The following PRRC1 variants were observed in gnomAD, a reference collection of about 807,000 sequenced individuals.
PRRC1 encodes proline rich coiled-coil 1, also known as protein PRRC1.
PRRC1 carries 39 observed loss-of-function variants against 40.7 expected under a neutral mutation model. That is an observed-to-expected ratio of 0.96 (90% CI 0.74 to 1.25). The LOEUF is 1.25. PRRC1 is among the 50% of genes most tolerant of loss of function. The pLI is 0.00. For synonymous variants in PRRC1, 175 were observed against 193.3 expected, an observed-to-expected ratio of 0.91 and a Z score of 0.79; for missense variants, 573 against 548.3, an observed-to-expected ratio of 1.05 and a Z score of -0.45.
At chr5:127,548,651 T>C (rs1768290637) in intron 8 of PRRC1, 3 of 152,018 alleles carry the variant, frequency 2.0e-5, no homozygotes, top group South Asian at 2.1e-4. Context: ...TTCAAACTTA[T>C]TTGGGACATG....
In PRRC1 at chr5:127,535,638, T is replaced by G. The variant is rs191889634; in HGVS notation, c.921+1852T>G. Among the ~76,000 whole-genome samples the G allele has an allele frequency of 2.0e-5, 3 of 152,306 alleles. No individual in the cohort carries two copies. In the East Asian group the frequency reaches 5.8e-4, roughly 29 times the overall value. On this transcript the variant is annotated intron_variant, in intron 6 of 8. Transcript: ENST00000296666. Reference sequence around the variant, plus strand: ...TATTTATGTTTAAGGAGAAACACATTTTCATATATGACATTCTGTTGTTTT... The same window carrying G: ...TATTTATGTTTAAGGAGAAACACATGTTCATATATGACATTCTGTTGTTTT...
intron 8 of PRRC1, chr5:127,551,417 C>T (rs867616249): frequency 9.1e-6 from 3 of 328,066 alleles, no homozygotes; most frequent in South Asian, 4.0e-5. Flanking sequence ...GATTTTAGTA[C>T]CAATCTTATT....
chr5:127,528,890 A>G (rs1351162687), intron 4 of PRRC1, among the ~76,000 whole-genome samples: 1 of 152,146 alleles, frequency 6.6e-6, no homozygotes, highest in Non-Finnish European at 1.5e-5. Context: ...TGTTAAAATC[A>G]GCTTCTGGCC....
intron 7 of PRRC1, among the ~76,000 whole-genome samples, chr5:127,540,320 A>G (rs892720321): frequency 2.6e-5 from 4 of 152,124 alleles, no homozygotes; most frequent in African/African-American, 9.6e-5. Flanking sequence ...ATAACTTGTG[A>G]TAATACTAGT....
In PRRC1 at chr5:127,544,277, G is replaced by A. The variant is rs183198638; in HGVS notation, c.1026-3542G>A. On this transcript the variant is annotated intron_variant, in intron 7 of 8. Coordinates refer to ENST00000296666, the MANE Select transcript of PRRC1 (RefSeq NM_130809.5). ...ACCCGGCCAGCCGTGTGAGGTGTCA[G>A]TCTGACCTTACTGGGGGGTGCCTCC... Among the ~76,000 whole-genome samples the A allele has an allele frequency of 6.8e-3, 1,032 of 152,346 alleles. 5 individuals carry two copies. Among genetic ancestry groups the A allele is most frequent in the African/African-American group, 0.024 (987 of 41,570 alleles).
intron 7 of PRRC1, among the ~76,000 whole-genome samples, chr5:127,546,477 T>C (rs1420956863): frequency 6.6e-6 from 1 of 152,190 alleles, no homozygotes; most frequent in Non-Finnish European, 1.5e-5. Context: ...AACCATTGTT[T>C]AGAAAACAAA....
intron 7 of PRRC1, among the ~76,000 whole-genome samples, chr5:127,543,548 A>G (rs899583983): frequency 2.0e-5 from 3 of 151,974 alleles, no homozygotes; most frequent in Admixed American, 1.3e-4. Flanking sequence ...ATAGTCCCAT[A>G]TTTCTTGGAG....
chr5:127,533,512 T>C, intron 5 of PRRC1, 111 bp from the exon 6 acceptor site: 2 of 925,668 alleles, frequency 2.2e-6, no homozygotes, highest in Non-Finnish European at 3.2e-6. Context: ...TGCATGGTTT[T>C]ATGAAACTGG....
intron 5 of PRRC1, among the ~76,000 whole-genome samples, chr5:127,530,640 A>C (rs1375293728): frequency 1.3e-5 from 2 of 152,150 alleles, no homozygotes; most frequent in Non-Finnish European, 2.9e-5. Flanking sequence ...AAAAACCATG[A>C]ATTATTGGTA....
At chr5:127,519,711 A>G (rs556196158) in intron 1 of PRRC1, among the ~76,000 whole-genome samples, 2 of 152,324 alleles carry the variant, frequency 1.3e-5, no homozygotes, top group East Asian at 3.9e-4. Context: ...ACGTAATCTC[A>G]TCTCAAAACA....
At chr5:127,536,874 T>C (rs1767914927) in intron 6 of PRRC1, among the ~76,000 whole-genome samples, 1 of 151,994 alleles carries the variant, frequency 6.6e-6, no homozygotes, top group Non-Finnish European at 1.5e-5. Flanking sequence ...TTTTATTTTT[T>C]TTCAGAAACA....
rs181524117 is a variant in PRRC1 at position 127,526,337 on chromosome 5, G to A, written c.494-281G>A. 2.3e-4 allele frequency among the ~76,000 whole-genome samples: 35 copies of A among 152,256 alleles called. 1 individual carries two copies. The highest frequency in any genetic ancestry group is 7.5e-4 in the African/African-American group (31 of 41,550). On this transcript the variant is annotated intron_variant, in intron 3 of 8. Coordinates refer to ENST00000296666, the MANE Select transcript of PRRC1 (RefSeq NM_130809.5). ...GATTAAAGAGACCTGAACTACAGCCGTTCATATCCAAGTGCTGAATAGGAC... is the reference window on the plus strand; with the variant it reads ...GATTAAAGAGACCTGAACTACAGCCATTCATATCCAAGTGCTGAATAGGAC...
intron 5 of PRRC1, among the ~76,000 whole-genome samples, chr5:127,531,022 A>G (rs1223372443): frequency 6.6e-6 from 1 of 152,208 alleles, no homozygotes; most frequent in Non-Finnish European, 1.5e-5. Context: ...TCTGTAAAAG[A>G]TAACTTTTAA....
chr5:127,534,214 C>T (rs183104067), intron 6 of PRRC1, among the ~76,000 whole-genome samples: 11 of 152,098 alleles, frequency 7.2e-5, no homozygotes, highest in Admixed American at 7.2e-4. Flanking sequence ...TTATTACCAG[C>T]ATACAGTCAT....
intron 4 of PRRC1, among the ~76,000 whole-genome samples, chr5:127,527,267 A>C (rs1464381935): frequency 6.6e-6 from 1 of 152,216 alleles, no homozygotes; most frequent in African/African-American, 2.4e-5. Context: ...GTGTGTATAC[A>C]TTCTGGAATG....
chr5:127,534,029 T>C (rs1284489043), intron 6 of PRRC1, among the ~76,000 whole-genome samples: 1 of 152,126 alleles, frequency 6.6e-6, no homozygotes, highest in Non-Finnish European at 1.5e-5. Flanking sequence ...ACAAAAGGAA[T>C]AGTTAGTCCT....
intron 7 of PRRC1, among the ~76,000 whole-genome samples, chr5:127,540,944 C>T (rs550308450): frequency 3.3e-5 from 5 of 152,102 alleles, no homozygotes; most frequent in Admixed American, 2.6e-4. Flanking sequence ...CATCCCTGTC[C>T]TGTGCCAGTT....
At position 127,524,668 on chromosome 5, in the gene PRRC1, C is replaced by A. The variant is rs757243135; in HGVS notation, c.241C>A (p.Pro81Thr). ...ACCTTTTGTGCCTCCTCCTGCAGTT[C>A]CTTCTGTCCCACCACTTGTTACTTC... ...PLPFVPPPAV[P>T]SVPPLVTSMP... The change falls in exon 3 of 9, where the codon CCT becomes ACT. Residue 81 changes from proline to threonine, a missense_variant. Pro to Thr is a conservative substitution (Grantham distance 38). Coordinates refer to ENST00000296666, the MANE Select transcript of PRRC1 (RefSeq NM_130809.5). The A allele has an allele frequency of 2.2e-5, 35 of 1,614,046 alleles. No individual in the cohort carries two copies. The highest frequency in any genetic ancestry group is 2.9e-5 in the Non-Finnish European group (34 of 1,180,050).
At position 127,553,505 on chromosome 5, in the gene PRRC1, G is replaced by A; in HGVS notation, c.*1589G>A. On this transcript the variant is annotated 3_prime_UTR_variant, in exon 9 of 9. Coordinates refer to ENST00000296666, the MANE Select transcript of PRRC1 (RefSeq NM_130809.5). ...CTTTCTTTCTTTCCTTCAAGTACAA[G>A]AAGGCTTTCTCTACCATTTGCGTCT... 3.5e-6 allele frequency: 4 copies of A among 1,148,836 alleles called. No homozygotes were observed. The South Asian group carries it at 7.9e-5, about 23-fold the overall frequency. The allele number at this position is 1,148,836 out of a possible 1,614,324, so 71.2% of individuals were successfully genotyped here.
Sources: gnomAD v4.1 joint callset for allele counts (sites outside exome capture counted in the v4.1 genomes callset) on GRCh38, gnomAD v4.1.1 for gene constraint, MANE v1.5 for transcripts, NCBI Gene and HGNC (gene_info 2026-07-23, HGNC 2026-07-21) for gene names.